BACE2: variants seen among roughly 807,000 people sequenced by gnomAD.
BACE2 encodes the protein 56 kDa aspartic-like protease.
In BACE2, 17 loss-of-function variants were observed where a neutral mutation model predicts 46.2. That is an observed-to-expected ratio of 0.37 (90% CI 0.25 to 0.55). The LOEUF is 0.55. Ranked by LOEUF, BACE2 falls within the 20% of genes least tolerant of loss-of-function variation. BACE2 has a pLI of 0.82. For synonymous variants in BACE2, 277 were observed against 295.9 expected (o/e 0.94, Z 0.66); for missense variants, 595 against 698.1 (o/e 0.85, Z 1.66).
At chr21:41,219,241 A>G (rs1186841741) in intron 1 of BACE2, among the ~76,000 whole-genome samples, 1 of 152,212 alleles carries the variant, frequency 6.6e-6, no homozygotes, top group Non-Finnish European at 1.5e-5. Context: ...AGAAGAGGTT[A>G]AGATATATCA....
chr21:41,260,369 C>T (rs531052315), intron 8 of BACE2, among the ~76,000 whole-genome samples: 2 of 152,212 alleles, frequency 1.3e-5, no homozygotes, highest in South Asian at 4.2e-4. Context: ...GGTCTTGAAC[C>T]CCTGGGCTCA....
Position 41,243,402 on chromosome 21 carries a change from G to A in BACE2, c.774G>A (p.Leu258=). The A allele has an allele frequency of 6.2e-7, 1 of 1,608,410 alleles. No individual in the cohort carries two copies. Among genetic ancestry groups the A allele is most frequent in the Non-Finnish European group, 8.5e-7 (1 of 1,178,088 alleles). The change falls in exon 5 of 9, where the codon TTG becomes TTA. Residue 258 remains leucine, a synonymous_variant. Coordinates refer to ENST00000330333, the MANE Select transcript of BACE2 (RefSeq NM_012105.5). ...SLVLGGIEPS[L]YKGDIWYTPI... The stretch of plus-strand genomic sequence containing the variant: ...TCTTGGGTGGAATTGAACCAAGTTT[G>A]TATAAAGGAGACATCTGGTATACCC...
chr21:41,257,938 AC>A (rs2123630413), intron 8 of BACE2, among the ~76,000 whole-genome samples: 1 of 152,322 alleles, frequency 6.6e-6, no homozygotes, highest in Admixed American at 6.5e-5. Flanking sequence ...TTCAGACTTC[AC>A]GGTTTGCTTG....
Position 41,275,822 on chromosome 21 carries a change from G to GA in BACE2, c.*203dup. On this transcript the variant is annotated 3_prime_UTR_variant, in exon 9 of 9. Transcript: ENST00000330333. Reference sequence around the variant, plus strand: ...GCTTTCAAATCCTCCCTACTTCCAAGAAAAATAATTAAAAAAAAAACTTCA... The same window carrying GA: ...GCTTTCAAATCCTCCCTACTTCCAAGAAAAAATAATTAAAAAAAAAACTTCA... 3.0e-6 allele frequency: 2 copies of GA among 671,154 alleles called. No homozygotes were observed. The highest frequency in any genetic ancestry group is 4.8e-6 in the Non-Finnish European group (2 of 416,374). 41.6% of individuals were successfully genotyped at this position (671,154 alleles called of 1,614,324 possible).
At chr21:41,273,860 T>G (rs1200738837) in intron 8 of BACE2, among the ~76,000 whole-genome samples, 1 of 152,258 alleles carries the variant, frequency 6.6e-6, no homozygotes, top group Admixed American at 6.5e-5. Context: ...TTTAAGGAAC[T>G]AATAAATGTC....
intron 1 of BACE2, among the ~76,000 whole-genome samples, chr21:41,222,110 ACT>A (rs1465920809): frequency 6.6e-6 from 1 of 151,850 alleles, no homozygotes; most frequent in Non-Finnish European, 1.5e-5. Context: ...AGCAAGTCAG[ACT>A]CTCTGCACCT....
chr21:41,273,152 A>C (rs2088450589), intron 8 of BACE2, among the ~76,000 whole-genome samples: 1 of 152,226 alleles, frequency 6.6e-6, no homozygotes, highest in Admixed American at 6.5e-5. Context: ...TTCACAAGGT[A>C]ATAAAATATT....
At chr21:41,192,956 A>G (rs543118320) in intron 1 of BACE2, among the ~76,000 whole-genome samples, 51 of 152,326 alleles carry the variant, frequency 3.3e-4, no homozygotes, top group African/African-American at 1.2e-3. Flanking sequence ...CTGGACCCCT[A>G]GAAATTTTAC....
chr21:41,244,274 G>A (rs67237909), intron 5 of BACE2, among the ~76,000 whole-genome samples: 18,160 of 152,116 alleles, frequency 0.12, 1,216 homozygotes, highest in African/African-American at 0.17. Context: ...TGTCACGCGC[G>A]TCCATGTAAG....
At chr21:41,179,437 C>T (rs1436646608) in intron 1 of BACE2, 7 of 1,252,794 alleles carry the variant, frequency 5.6e-6, no homozygotes, top group Middle Eastern at 2.6e-4. Flanking sequence ...GGTGAGTGAA[C>T]GTGTCCAGGG....
chr21:41,235,351 T>G lies in BACE2; in HGVS notation c.402-2162T>G, dbSNP rs149008201. On this transcript the variant is annotated intron_variant, in intron 2 of 8. Transcript: ENST00000330333. ...ATGGATATGCTGTAATTTACTGAAC[T>G]GTTTCCTTGTTACTGAGCATTTGGA... is the stretch of plus-strand genomic sequence containing the variant. Among the ~76,000 whole-genome samples the G allele has an allele frequency of 2.5e-3, 388 of 152,372 alleles. 2 individuals carry two copies. The highest frequency in any genetic ancestry group is 9.0e-3 in the African/African-American group (375 of 41,576).
At chr21:41,251,028 AG>A (rs1313266851) in intron 7 of BACE2, 127 bp downstream of exon 7, 2 of 996,544 alleles carry the variant, frequency 2.0e-6, no homozygotes, top group Non-Finnish European at 2.9e-6. Flanking sequence ...TGCAAAAGAC[AG>A]CCACACATAT....
At chr21:41,205,776 T>G (rs1349293394) in intron 1 of BACE2, among the ~76,000 whole-genome samples, 5 of 152,162 alleles carry the variant, frequency 3.3e-5, no homozygotes, top group Non-Finnish European at 7.3e-5. Context: ...CCACAGGAAT[T>G]GAAAACTGTT....
At chr21:41,174,065 C>T (rs1382893369) in intron 1 of BACE2, among the ~76,000 whole-genome samples, 2 of 149,546 alleles carry the variant, frequency 1.3e-5, no homozygotes, top group African/African-American at 5.0e-5. Flanking sequence ...TTCACCTCCC[C>T]TTGCCTGCCC....
Position 41,246,211 on chromosome 21 carries a change from T to C in BACE2, c.984+148T>C, listed in dbSNP as rs116706694. 1,947 of 465,904 alleles carry C rather than the reference T, an allele frequency of 4.2e-3. 35 individuals carry two copies. Among genetic ancestry groups the C allele is most frequent in the African/African-American group, 0.034 (1,739 of 51,080 alleles). 28.9% of individuals were successfully genotyped at this position (465,904 alleles called of 1,614,324 possible). On this transcript the variant is annotated intron_variant, in intron 6 of 8. Coordinates refer to ENST00000330333, the MANE Select transcript of BACE2 (RefSeq NM_012105.5). ...GTGTATTTGTATATTTTATATGTAA[T>C]AGTATAGGTGTAATATGTAAATATA...
At chr21:41,184,905 C>A (rs997091858) in intron 1 of BACE2, 2 of 166,934 alleles carry the variant, frequency 1.2e-5, no homozygotes. Flanking sequence ...TAAGCCTAAT[C>A]GTAAAATATC....
At chr21:41,243,250 C>A in intron 4 of BACE2, 126 bp from the exon 5 acceptor site, 2 of 761,808 alleles carry the variant, frequency 2.6e-6, no homozygotes, top group Non-Finnish European at 3.9e-6. Context: ...TGTTTCATGA[C>A]ATTGTCACGA....
chr21:41,223,279 C>G (rs1408039593), intron 1 of BACE2, among the ~76,000 whole-genome samples: 2 of 151,840 alleles, frequency 1.3e-5, no homozygotes, highest in African/African-American at 4.8e-5. Flanking sequence ...TCCCTTGAGC[C>G]CAGGAGTTTG....
At chr21:41,247,858 G>A (rs1987518580) in intron 6 of BACE2, among the ~76,000 whole-genome samples, 1 of 152,210 alleles carries the variant, frequency 6.6e-6, no homozygotes, top group African/African-American at 2.4e-5. Flanking sequence ...ACAAGGGCGC[G>A]TTGTGTGTCT....
Sources: allele counts gnomAD v4.1 joint callset (sites outside exome capture counted in the v4.1 genomes callset), GRCh38; gene constraint gnomAD v4.1.1; transcripts MANE v1.5; gene names NCBI Gene and HGNC (gene_info 2026-07-23, HGNC 2026-07-21).